Variants in PDE1C observed in about 807,000 individuals in gnomAD.
The protein encoded by PDE1C is phosphodiesterase 1C.
A neutral mutation model predicts 93.1 loss-of-function variants in PDE1C; 62 were observed. That is an observed-to-expected ratio of 0.67 (90% CI 0.54 to 0.82). The LOEUF (loss-of-function observed/expected upper bound fraction) is 0.82. Among genes scored for constraint, PDE1C ranks in the 40% least tolerant of loss-of-function variants. PDE1C has a pLI of 0.00. For synonymous variants in PDE1C, 325 were observed against 310.1 expected, an observed-to-expected ratio of 1.05 and a Z score of -0.50; for missense variants, 742 against 884.6, an observed-to-expected ratio of 0.84 and a Z score of 2.04.
intron 2 of PDE1C, among the ~76,000 whole-genome samples, chr7:31,919,132 T>G (rs1207493526): frequency 6.6e-6 from 1 of 152,120 alleles, no homozygotes; most frequent in African/African-American, 2.4e-5. Context: ...AATAGAAAAC[T>G]AACACTCAAG....
At chr7:32,281,868 T>C (rs1811655354) in intron 1 of PDE1C, among the ~76,000 whole-genome samples, 1 of 152,174 alleles carries the variant, frequency 6.6e-6, no homozygotes. Flanking sequence ...TCATGTCCTT[T>C]CTAGGAATAT....
chr7:32,213,952 T>C (rs935304363), intron 1 of PDE1C, among the ~76,000 whole-genome samples: 5 of 152,194 alleles, frequency 3.3e-5, no homozygotes, highest in Non-Finnish European at 5.9e-5. Context: ...CTGTAACTTT[T>C]GAAATACTTT....
chr7:31,972,686 C>T (rs1811115436), intron 2 of PDE1C, among the ~76,000 whole-genome samples: 1 of 152,140 alleles, frequency 6.6e-6, no homozygotes, highest in Non-Finnish European at 1.5e-5. Flanking sequence ...GAAAGAAGAA[C>T]ACAGACTGGC....
intron 2 of PDE1C, among the ~76,000 whole-genome samples, chr7:31,985,672 G>A (rs1584330080): frequency 1.3e-5 from 2 of 151,938 alleles, no homozygotes; most frequent in South Asian, 4.2e-4. Context: ...ACATGTGGTG[G>A]TTGGTTTTCT....
At chr7:31,999,968 T>C (rs909086889) in intron 2 of PDE1C, among the ~76,000 whole-genome samples, 1 of 151,940 alleles carries the variant, frequency 6.6e-6, no homozygotes, top group African/African-American at 2.4e-5. Flanking sequence ...GGGGGAGAGT[T>C]GAGAGAATCA....
the PDE1C span, among the ~76,000 whole-genome samples, chr7:31,712,286 GTGAA>G: frequency 6.6e-6 from 1 of 151,288 alleles, no homozygotes; most frequent in Non-Finnish European, 1.5e-5. Context: ...GAGTGAGTGA[GTGAA>G]TGAATGAATG....
chr7:32,368,950 G>C (rs1257745005), intron 1 of PDE1C, among the ~76,000 whole-genome samples: 7 of 152,098 alleles, frequency 4.6e-5, no homozygotes, highest in African/African-American at 1.7e-4. Context: ...ATATGCAAAA[G>C]AATGAAACTA....
chr7:32,071,707 T>C (rs930445757), upstream of PDE1C, among the ~76,000 whole-genome samples: 1 of 151,920 alleles, frequency 6.6e-6, no homozygotes, highest in Admixed American at 6.6e-5. Context: ...ACAATGTCAA[T>C]AAGGTAGAAT....
At chr7:31,800,413 G>A (rs1182211704) in intron 16 of PDE1C, among the ~76,000 whole-genome samples, 3 of 151,384 alleles carry the variant, frequency 2.0e-5, no homozygotes, top group Non-Finnish European at 4.4e-5. Context: ...TTGAGATGTC[G>A]CTTGTATGTG....
chr7:32,021,489 A>G (rs943417768), intron 2 of PDE1C, among the ~76,000 whole-genome samples: 1 of 152,116 alleles, frequency 6.6e-6, no homozygotes, highest in Non-Finnish European at 1.5e-5. Context: ...CTTGTTTATC[A>G]TTTATCAAAC....
intron 1 of PDE1C, among the ~76,000 whole-genome samples, chr7:32,384,343 G>A (rs1044439828): frequency 1.3e-5 from 2 of 152,204 alleles, no homozygotes; most frequent in African/African-American, 2.4e-5. Flanking sequence ...GACAGGTATT[G>A]CATAAATATA....
intron 11 of PDE1C, among the ~76,000 whole-genome samples, chr7:31,835,515 G>A (rs1290657460): frequency 9.2e-6 from 1 of 109,188 alleles, no homozygotes; most frequent in African/African-American, 3.3e-5. Context: ...TAATAGCTGG[G>A]GGGTGCTGCG....
At chr7:32,112,613 C>T (rs1798704252) in intron 3 of PDE1C, among the ~76,000 whole-genome samples, 1 of 121,728 alleles carries the variant, frequency 8.2e-6, no homozygotes, top group Non-Finnish European at 1.8e-5. Context: ...CATGCCACCA[C>T]ATCTAGCTGC....
At chr7:32,390,346 A>G (rs1003452052) in intron 1 of PDE1C, among the ~76,000 whole-genome samples, 2 of 152,108 alleles carry the variant, frequency 1.3e-5, no homozygotes, top group Non-Finnish European at 1.5e-5. Flanking sequence ...TTTTTCTTCC[A>G]AGAGGACATT....
At chr7:31,802,815 T>C (rs1015518204) in intron 16 of PDE1C, among the ~76,000 whole-genome samples, 11 of 151,806 alleles carry the variant, frequency 7.2e-5, no homozygotes, top group African/African-American at 2.7e-4. Context: ...ATGTGTAATT[T>C]TTCTCTGGCA....
chr7:31,657,444 T>C, the PDE1C span, among the ~76,000 whole-genome samples: 1 of 152,210 alleles, frequency 6.6e-6, no homozygotes, highest in Non-Finnish European at 1.5e-5. Flanking sequence ...TTGAAAAACA[T>C]TGCACTGTGC....
chr7:31,668,947 T>G, the PDE1C span, among the ~76,000 whole-genome samples: 2 of 152,190 alleles, frequency 1.3e-5, no homozygotes, highest in Non-Finnish European at 2.9e-5. Flanking sequence ...GAATTTGCTT[T>G]ATTTTTGGAA....
chr7:32,179,324 A>G (rs1297085367), intron 2 of PDE1C, among the ~76,000 whole-genome samples: 1 of 140,042 alleles, frequency 7.1e-6, no homozygotes, highest in Non-Finnish European at 1.5e-5. Flanking sequence ...CAGTGGCGTG[A>G]TCTCAGCTCA....
chr7:32,100,427 T>C (rs1797984403), intron 3 of PDE1C, among the ~76,000 whole-genome samples: 1 of 152,248 alleles, frequency 6.6e-6, no homozygotes, highest in Non-Finnish European at 1.5e-5. Context: ...TCATGCCATA[T>C]GCTTTAAGCT....
Sources: allele counts gnomAD v4.1 joint callset (sites outside exome capture counted in the v4.1 genomes callset), GRCh38; gene constraint gnomAD v4.1.1; transcripts MANE v1.5; gene names NCBI Gene and HGNC (gene_info 2026-07-23, HGNC 2026-07-21).